The following C1orf159 variants were observed in gnomAD, a reference collection of about 807,000 sequenced individuals.
C1orf159 encodes the protein uncharacterized protein C1orf159.
C1orf159 carries 19 observed loss-of-function variants against 25.6 expected under a neutral mutation model. The ratio of observed to expected loss-of-function variants is 0.74; its 90% CI spans 0.52 to 1.09. The LOEUF (loss-of-function observed/expected upper bound fraction) is 1.09. Among genes scored for constraint, C1orf159 ranks in the 50% least tolerant of loss-of-function variants. C1orf159 has a pLI of 0.00. For missense variants in C1orf159, 274 were observed against 290.6 expected (o/e 0.94, Z 0.42); for synonymous variants, 139 against 124.7 (o/e 1.12, Z -0.77).
chr1:1,086,998 G>A, intron 6 of C1orf159, 141 bp downstream of exon 6: 1 of 813,048 alleles, frequency 1.2e-6, no homozygotes, highest in Non-Finnish European at 1.9e-6. Flanking sequence ...CAAGCTGCAG[G>A]GGCTGCCACG....
intron 4 of C1orf159, among the ~76,000 whole-genome samples, chr1:1,088,754 TCA>T (rs1160106993): frequency 6.6e-6 from 1 of 152,106 alleles, no homozygotes; most frequent in East Asian, 1.9e-4. Context: ...CGACCCTTCC[TCA>T]CAGACTGATC....
chr1:1,112,275 C>T (rs1379599399), intron 1 of C1orf159, among the ~76,000 whole-genome samples: 3 of 152,254 alleles, frequency 2.0e-5, no homozygotes, highest in African/African-American at 4.8e-5. Context: ...AGCGTGTGCA[C>T]TGAGAGGCAA....
intron 4 of C1orf159, among the ~76,000 whole-genome samples, chr1:1,088,207 C>G (rs1307915918): frequency 1.0e-5 from 1 of 98,830 alleles, no homozygotes; most frequent in South Asian, 4.8e-4. Context: ...AGGACCCCCC[C>G]CCCATGGCCT....
chr1:1,102,298 T>C (rs1646112447), intron 1 of C1orf159, among the ~76,000 whole-genome samples: 1 of 151,764 alleles, frequency 6.6e-6, no homozygotes, highest in East Asian at 1.9e-4. Flanking sequence ...TCACCTAAGG[T>C]CCCTGAGGCT....
In C1orf159 at chr1:1,089,735, C is replaced by T. The variant is rs557764376; in HGVS notation, c.148+618G>A. Among the ~76,000 whole-genome samples the T allele has an allele frequency of 1.6e-4, 24 of 152,258 alleles. No homozygotes were observed. In the South Asian group the frequency reaches 3.3e-3, roughly 21 times the overall value. On this transcript the variant is annotated intron_variant, in intron 4 of 9. Coordinates refer to ENST00000421241, the MANE Select transcript of C1orf159 (RefSeq NM_017891.5). The surrounding 1 kb of genome is among the most constrained non-coding windows in gnomAD (Gnocchi z 7.5). ...TCTCAGCCCCAAGTTCACCAAGGGC[C>T]GCCAAGGAGTGGCCCTTGCACCTTC... is the stretch of plus-strand genomic sequence containing the variant.
intron 1 of C1orf159, among the ~76,000 whole-genome samples, chr1:1,112,587 C>G (rs548588937): frequency 2.0e-5 from 3 of 148,474 alleles, no homozygotes; most frequent in Non-Finnish European, 4.5e-5. Flanking sequence ...GCTCCCTCCC[C>G]CCAGTGAATA....
intron 1 of C1orf159, among the ~76,000 whole-genome samples, chr1:1,107,995 G>A (rs1289783422): frequency 2.0e-5 from 3 of 152,158 alleles, no homozygotes; most frequent in Non-Finnish European, 4.4e-5. Context: ...GAGGGTCTGC[G>A]GCTTCATTCT....
rs753571950 is a variant in C1orf159 at position 1,082,855 on chromosome 1, C to T, written c.*38G>A. On this transcript the variant is annotated 3_prime_UTR_variant, in exon 10 of 10. Coordinates refer to ENST00000421241, the MANE Select transcript of C1orf159 (RefSeq NM_017891.5). ...CCGCCAAGGGGTCGGCCTCCGGGTCCCTGCCGCCAAGTGCGTGGCGTGGTC... is the reference window on the plus strand; with the variant it reads ...CCGCCAAGGGGTCGGCCTCCGGGTCTCTGCCGCCAAGTGCGTGGCGTGGTC... 1.3e-6 allele frequency: 2 copies of T among 1,536,112 alleles called. No homozygotes were observed. The highest frequency in any genetic ancestry group is 2.4e-5 in the South Asian group (2 of 84,140).
chr1:1,110,396 A>G lies in C1orf159; in HGVS notation c.-136+5664T>C, dbSNP rs897153909. 1.3e-5 allele frequency among the ~76,000 whole-genome samples: 2 copies of G among 152,224 alleles called. No individual in the cohort carries two copies. Among genetic ancestry groups the G allele is most frequent in the Non-Finnish European group, 2.9e-5 (2 of 68,044 alleles). On this transcript the variant is annotated intron_variant, in intron 1 of 9. Transcript: ENST00000421241. The surrounding 1 kb of genome is among the most constrained non-coding windows in gnomAD (Gnocchi z 4.8). Reference sequence around the variant, plus strand: ...ATAGGCAAATCAAAGAATGGGAGATAGTCACAGTACACGTACCAGACAAAA... The same window carrying G: ...ATAGGCAAATCAAAGAATGGGAGATGGTCACAGTACACGTACCAGACAAAA...
At chr1:1,083,334 A>C in intron 9 of C1orf159, 4 of 258,708 alleles carry the variant, frequency 1.5e-5, no homozygotes, top group Middle Eastern at 1.3e-3. Flanking sequence ...AAGACCTCGA[A>C]TGTGACCTTA....
chr1:1,114,448 G>C (rs1365919255), intron 1 of C1orf159, among the ~76,000 whole-genome samples: 2 of 152,204 alleles, frequency 1.3e-5, no homozygotes, highest in African/African-American at 4.8e-5. Flanking sequence ...CTTTAAATGA[G>C]CTACCCAGTA....
intron 9 of C1orf159, chr1:1,083,673 G>A (rs1645780403): frequency 5.3e-6 from 3 of 562,196 alleles, no homozygotes; most frequent in Non-Finnish European, 9.5e-6. Context: ...GCAGCCCCGG[G>A]GCACTCGGGC....
chr1:1,091,038 A>C (rs1645923053), intron 3 of C1orf159: 5 of 1,397,430 alleles, frequency 3.6e-6, no homozygotes, highest in Non-Finnish European at 4.9e-6. Flanking sequence ...TGCGGGATAG[A>C]ATCCACACCG....
At chr1:1,085,601 G>A (rs879344678) in intron 7 of C1orf159, among the ~76,000 whole-genome samples, 17 of 152,218 alleles carry the variant, frequency 1.1e-4, no homozygotes, top group Non-Finnish European at 1.3e-4. Flanking sequence ...TGAGGGCCCC[G>A]GGGAGACGCC....
chr1:1,099,177 A>AGAGAGG (rs74189444), intron 1 of C1orf159, among the ~76,000 whole-genome samples: 1 of 82,506 alleles, frequency 1.2e-5, no homozygotes, highest in African/African-American at 1.1e-4. Context: ...TCGGAGAGAG[A>AGAGAGG]TTAAAATCTC....
At chr1:1,090,877 G>T (rs747899103) in intron 3 of C1orf159, 1 of 1,549,364 alleles carries the variant, frequency 6.5e-7, no homozygotes, top group South Asian at 1.2e-5. Context: ...GGCACTTACG[G>T]TGTGTGTGAG....
At position 1,087,243 on chromosome 1, in the gene C1orf159, G is replaced by T; in HGVS notation, c.245-39C>A. ...GAACTGTGGGAAGCCTGTGTGCACG[G>T]AGCCCACGGGGACACCCACGTGCAC... is the stretch of plus-strand genomic sequence containing the variant. On this transcript the variant is annotated intron_variant, in intron 5 of 9. Transcript: ENST00000421241. The surrounding 1 kb of genome is among the most constrained non-coding windows in gnomAD (Gnocchi z 8.3). The T allele has an allele frequency of 6.4e-7, 1 of 1,565,668 alleles. No individual in the cohort carries two copies.
At chr1:1,091,659 G>T (rs929549183) in intron 2 of C1orf159, 94 bp from the exon 3 acceptor site, 3 of 878,338 alleles carry the variant, frequency 3.4e-6, no homozygotes, top group Non-Finnish European at 5.4e-6. Context: ...AGAGATGTTG[G>T]GGGGGTGCGG....
intron 1 of C1orf159, among the ~76,000 whole-genome samples, chr1:1,107,739 C>G (rs1024426629): frequency 4.6e-5 from 7 of 152,162 alleles, no homozygotes; most frequent in Admixed American, 3.3e-4. Flanking sequence ...CAGCAACCCA[C>G]TCGGGTCCCC....
Sources: allele counts gnomAD v4.1 joint callset (sites outside exome capture counted in the v4.1 genomes callset), GRCh38; gene constraint gnomAD v4.1.1; non-coding constraint Gnocchi (gnomAD v3.1); transcripts MANE v1.5; gene names NCBI Gene and HGNC (gene_info 2026-07-23, HGNC 2026-07-21).